The following HECTD4 variants were observed in gnomAD, a reference collection of about 807,000 sequenced individuals.
HECTD4 encodes the protein HECT domain E3 ubiquitin protein ligase 4, also known as probable E3 ubiquitin-protein ligase HECTD4.
In HECTD4, 114 loss-of-function variants were observed where a neutral mutation model predicts 471.5. That is an observed-to-expected ratio of 0.24 (90% confidence interval 0.21 to 0.28). HECTD4 has a LOEUF of 0.28. HECTD4 is among the 10% of genes least tolerant of loss of function. The pLI is 1.00. For synonymous variants in HECTD4, 2,012 were observed against 2,256.0 expected (o/e 0.89, Z 3.07); for missense variants, 3,866 against 5,651.5 (o/e 0.68, Z 10.13).
Position 112,203,772 on chromosome 12 carries a change from C to G in HECTD4, c.8270G>C (p.Gly2757Ala). ...TGGAGAGCGGGTTACTACTGTGAGA[C>G]CTGAGGAGTGTAGAGGGAGAAGTTT... Reference protein sequence around the residue: ...NKFTIDKVRKGLTVVTRSPDS... With the variant: ...NKFTIDKVRKALTVVTRSPDS... The change falls in exon 54 of 76, where the codon GGT (glycine) becomes GCT (alanine). Residue 2757 changes from glycine (G) to alanine (A), a missense_variant and splice_region_variant. Physicochemically the swap from Gly to Ala is moderately conservative, Grantham distance 60. Transcript: ENST00000682272. 6.3e-7 allele frequency: 1 copy of G among 1,597,182 alleles called. No homozygotes were observed. The highest frequency in any genetic ancestry group is 1.3e-5 in the African/African-American group (1 of 74,412).
At chr12:112,329,948 CT>C (rs1288199458) in intron 1 of HECTD4, among the ~76,000 whole-genome samples, 2 of 151,868 alleles carry the variant, frequency 1.3e-5, no homozygotes, top group African/African-American at 2.4e-5. Flanking sequence ...CCCATCTCTA[CT>C]TTTTTTAATA....
At chr12:112,344,163 TA>T (rs569138009) in intron 1 of HECTD4, among the ~76,000 whole-genome samples, 4 of 152,244 alleles carry the variant, frequency 2.6e-5, no homozygotes, top group Non-Finnish European at 5.9e-5. Flanking sequence ...TAACAACTTT[TA>T]GTAATAAATT....
At position 112,228,352 on chromosome 12, in the gene HECTD4, A is replaced by G; in HGVS notation, c.6685-94T>C. 1 of 1,274,706 alleles carries G rather than the reference A, an allele frequency of 7.8e-7. No individual in the cohort carries two copies. Among genetic ancestry groups the G allele is most frequent in the Non-Finnish European group, 1.0e-6 (1 of 970,510 alleles). 79.0% of individuals were successfully genotyped at this position (1,274,706 alleles called of 1,614,324 possible). A position where few individuals can be genotyped will look rare whatever the true frequency, so the allele number is the denominator to read the frequency against. Reference sequence around the variant, plus strand: ...TATTATTATCTGGAGTTAATTCTTAAATTTTCAGTTAAAAAAATAAAATCA... The same window carrying G: ...TATTATTATCTGGAGTTAATTCTTAGATTTTCAGTTAAAAAAATAAAATCA... On this transcript the variant is annotated intron_variant, in intron 42 of 75. Coordinates refer to ENST00000682272, the MANE Select transcript of HECTD4 (RefSeq NM_001388303.1). The surrounding 1 kb of genome is among the most constrained non-coding windows in gnomAD (Gnocchi z 4.9).
chr12:112,292,839 A>G (rs1013642164), intron 7 of HECTD4, among the ~76,000 whole-genome samples: 13 of 151,994 alleles, frequency 8.6e-5, no homozygotes, highest in Non-Finnish European at 1.3e-4. Flanking sequence ...TGGGCAACAT[A>G]GTGAAACCCC....
chr12:112,160,586 C>A lies in HECTD4; in HGVS notation c.*1801G>T, dbSNP rs1444341117. On this transcript the variant is annotated 3_prime_UTR_variant, in exon 76 of 76. Coordinates refer to ENST00000682272, the MANE Select transcript of HECTD4 (RefSeq NM_001388303.1). ...TGTCATCTACTCAAGTGATGGCCAA[C>A]AGAAGCTTCTGAACTCCTCCTGGGG... The A allele has an allele frequency of 6.6e-6, 1 of 152,190 alleles. No homozygotes were observed. Among genetic ancestry groups the A allele is most frequent in the South Asian group, 2.1e-4 (1 of 4,822 alleles). The allele number at this position is 152,190 out of a possible 1,614,324, so 9.4% of individuals were successfully genotyped here.
Position 112,373,515 on chromosome 12 carries a change from C to T in HECTD4, c.177+8437G>A, listed in dbSNP as rs529159845. ...CCAGCCTGGGCGACAAAGTAAGACT[C>T]CATTTCAAAACAAACAAAACAAAAC... On this transcript the variant is annotated intron_variant, in intron 1 of 75. Coordinates refer to ENST00000682272, the MANE Select transcript of HECTD4 (RefSeq NM_001388303.1). Among the ~76,000 whole-genome samples, 5 of 152,148 alleles carry T rather than the reference C, an allele frequency of 3.3e-5. No homozygotes were observed. The South Asian group carries it at 1.0e-3, about 32-fold the overall frequency.
intron 48 of HECTD4, among the ~76,000 whole-genome samples, chr12:112,214,278 T>C (rs1196537096): frequency 2.0e-5 from 3 of 152,208 alleles, no homozygotes; most frequent in African/African-American, 7.2e-5. Flanking sequence ...AGCAAGCTGC[T>C]AGCACGTGTG....
intron 51 of HECTD4, 113 bp downstream of exon 51, chr12:112,208,381 A>G (rs2032658632): frequency 1.3e-5 from 14 of 1,104,258 alleles, no homozygotes; most frequent in Non-Finnish European, 1.7e-5. Flanking sequence ...CACTGAGAGT[A>G]ACAAAACCAG....
intron 8 of HECTD4, among the ~76,000 whole-genome samples, chr12:112,279,748 C>A (rs765462372): frequency 5.6e-4 from 86 of 152,250 alleles, no homozygotes; most frequent in Non-Finnish European, 9.9e-4. Flanking sequence ...CCCTAGAAAA[C>A]TGATATAGGT....
At chr12:112,195,148 G>A (rs2032198341) in intron 55 of HECTD4, 82 bp from the exon 56 acceptor site, 2 of 1,247,398 alleles carry the variant, frequency 1.6e-6, no homozygotes, top group Non-Finnish European at 1.1e-6. Flanking sequence ...GGTTCTGAAG[G>A]AAAAGGATCC....
At chr12:112,224,610 T>C (rs1461014474) in intron 44 of HECTD4, among the ~76,000 whole-genome samples, 2 of 152,136 alleles carry the variant, frequency 1.3e-5, no homozygotes, top group African/African-American at 4.8e-5. Context: ...AGAATACAAA[T>C]CAATACGCAT....
chr12:112,323,952 T>G (rs986928507), intron 1 of HECTD4, among the ~76,000 whole-genome samples: 1 of 34,908 alleles, frequency 2.9e-5, no homozygotes. Context: ...AGGTGCTTCT[T>G]TCTTTCTTTC....
At chr12:112,304,238 ATTTT>A (rs760947859) in intron 7 of HECTD4, among the ~76,000 whole-genome samples, 1 of 104,376 alleles carries the variant, frequency 9.6e-6, no homozygotes. Context: ...TAAAGACCTA[ATTTT>A]TTTTTTTTTT....
At chr12:112,267,355 A>G (rs1424142919) in intron 13 of HECTD4, 2 of 170,852 alleles carry the variant, frequency 1.2e-5, no homozygotes, top group Non-Finnish European at 2.5e-5. Flanking sequence ...TATCACTAAA[A>G]AGGCATTAAA....
chr12:112,244,105 C>G, intron 29 of HECTD4, 96 bp from the exon 30 acceptor site: 1 of 1,279,026 alleles, frequency 7.8e-7, no homozygotes, highest in Non-Finnish European at 1.1e-6. Context: ...TGTATCTTTG[C>G]TTTCTATCAC....
In HECTD4 at chr12:112,206,533, CTTT is replaced by C. The variant is rs60701313; in HGVS notation, c.8131+1338_8131+1340del. Among the ~76,000 whole-genome samples the C allele has an allele frequency of 7.5e-4, 84 of 111,474 alleles. 1 individual carries two copies. The highest frequency in any genetic ancestry group is 6.7e-4 in the Non-Finnish European group (38 of 56,388). 73.1% of individuals were successfully genotyped at this position (111,474 alleles called of 152,430 possible). ...AAAAAGTGGGTGTTGATAGAATCTG[CTTT>C]TTTTTTTTTTTTTTTTTTGAGACGG... is the stretch of plus-strand genomic sequence containing the variant. On this transcript the variant is annotated intron_variant, in intron 52 of 75. Coordinates refer to ENST00000682272, the MANE Select transcript of HECTD4 (RefSeq NM_001388303.1).
intron 7 of HECTD4, among the ~76,000 whole-genome samples, chr12:112,303,263 G>A (rs2135677767): frequency 6.6e-6 from 1 of 152,276 alleles, no homozygotes. Flanking sequence ...CTACCACCTT[G>A]TCTCACAATG....
At chr12:112,368,468 T>C (rs2036608468) in intron 1 of HECTD4, among the ~76,000 whole-genome samples, 1 of 152,238 alleles carries the variant, frequency 6.6e-6, no homozygotes, top group South Asian at 2.1e-4. Flanking sequence ...TCGCTTCCTA[T>C]AAATTGATAT....
chr12:112,228,503 C>G lies in HECTD4; in HGVS notation c.6684+144G>C. ...TCACATAAGCATTACTATTAAATAA[C>G]TATAACCAATACATAAATATACATC... On this transcript the variant is annotated intron_variant, in intron 42 of 75. Coordinates refer to ENST00000682272, the MANE Select transcript of HECTD4 (RefSeq NM_001388303.1). The surrounding 1 kb of genome is among the most constrained non-coding windows in gnomAD (Gnocchi z 4.9). The G allele has an allele frequency of 1.1e-6, 1 of 888,468 alleles. No individual in the cohort carries two copies. Among genetic ancestry groups the G allele is most frequent in the Non-Finnish European group, 1.6e-6 (1 of 608,830 alleles). The allele number at this position is 888,468 out of a possible 1,614,324, so 55.0% of individuals were successfully genotyped here.
Sources: allele counts gnomAD v4.1 joint callset (sites outside exome capture counted in the v4.1 genomes callset), GRCh38; gene constraint gnomAD v4.1.1; non-coding constraint Gnocchi (gnomAD v3.1); transcripts MANE v1.5; gene names NCBI Gene and HGNC (gene_info 2026-07-23, HGNC 2026-07-21).